Variants in SWT1 observed in about 807,000 individuals in gnomAD.
SWT1 encodes SWT1 RNA endoribonuclease homolog, also known as transcriptional protein SWT1.
In SWT1, 33 loss-of-function variants were observed where a neutral mutation model predicts 107.3. That is an observed-to-expected ratio of 0.31 (90% CI 0.23 to 0.41). The LOEUF (loss-of-function observed/expected upper bound fraction) is 0.41, where lower values mean the gene tolerates loss of function less well. SWT1 is among the 10% of genes least tolerant of loss of function. SWT1 has a pLI of 1.00. For synonymous variants in SWT1, 345 were observed against 348.3 expected (o/e 0.99, Z 0.11); for missense variants, 898 against 1,028.9 (o/e 0.87, Z 1.74).
At position 185,173,530 on chromosome 1, in the gene SWT1, C is replaced by CA. The variant is rs869052260; in HGVS notation, c.225-821dup. Among the ~76,000 whole-genome samples the CA allele has an allele frequency of 9.9e-3, 956 of 96,518 alleles. 9 individuals are homozygous for CA. The highest frequency in any genetic ancestry group is 0.035 in the East Asian group (120 of 3,424). 63.3% of individuals were successfully genotyped at this position (96,518 alleles called of 152,430 possible). ...CAACATGGTGAAACCCTGTCTCTAC[C>CA]AAAAAAAAAAAAAAAAAAAAATACA... On this transcript the variant is annotated intron_variant, in intron 4 of 18. Coordinates refer to ENST00000367500, the MANE Select transcript of SWT1 (RefSeq NM_017673.7).
rs762815700 is a variant in SWT1 at position 185,180,405 on chromosome 1, ATGT to A, written c.986_988del (p.Cys329del). The A allele has an allele frequency of 6.2e-7, 1 of 1,613,322 alleles. No homozygotes were observed. Among genetic ancestry groups the A allele is most frequent in the Non-Finnish European group, 8.5e-7 (1 of 1,179,280 alleles). On this transcript the variant is annotated inframe_deletion, in exon 6 of 19. Transcript: ENST00000367500. ...TTTCATTTCAGAGTTTTGAAGCACCATGTTGTTCCGTGTCATCTGAAAGTATCC... is the reference window on the plus strand; with the variant it reads ...TTTCATTTCAGAGTTTTGAAGCACCATGTTCCGTGTCATCTGAAAGTATCC...
chr1:185,165,340 G>T (rs1047904403), intron 2 of SWT1, among the ~76,000 whole-genome samples: 4 of 152,138 alleles, frequency 2.6e-5, no homozygotes, highest in African/African-American at 9.7e-5. Context: ...AGCACATACT[G>T]TTGGAAAAAT....
At position 185,258,921 on chromosome 1, in the gene SWT1, T is replaced by C. The variant is rs1452358401; in HGVS notation, c.2442-12402T>C. On this transcript the variant is annotated intron_variant, in intron 16 of 18. Transcript: ENST00000367500. The stretch of plus-strand genomic sequence containing the variant: ...TCTACCATTCTCCTTAGTTCTCTTA[T>C]ATGGAATTCCTATTCCTGGCTCTCG... Among the ~76,000 whole-genome samples the C allele has an allele frequency of 4.6e-5, 7 of 152,274 alleles. No homozygotes were observed. In the East Asian group the frequency reaches 1.2e-3, roughly 25 times the overall value.
intron 15 of SWT1, among the ~76,000 whole-genome samples, chr1:185,229,787 T>A (rs913795901): frequency 9.2e-5 from 14 of 151,984 alleles, no homozygotes; most frequent in African/African-American, 3.1e-4. Flanking sequence ...ATTAAGAAAA[T>A]TTTTTTTAAA....
chr1:185,174,809 T>C lies in SWT1; in HGVS notation c.662T>C (p.Ile221Thr). Residue 221 changes from isoleucine (I) to threonine (T), a missense_variant, in exon 5 of 19, where the codon ATT becomes ACT. Around this residue, in one of 6 missense-constraint regions of SWT1, gnomAD observed 382 missense variants for 362.4 expected, o/e 1.05. Coordinates refer to ENST00000367500, the MANE Select transcript of SWT1 (RefSeq NM_017673.7). ...CAGGATTATAACTCCAACAAGATAA[T>C]TAAGGAACCCTTGGGATCTAGAAGA... ...FSQDYNSNKI[I>T]KEPLGSRRQK... The C allele has an allele frequency of 6.2e-7, 1 of 1,612,824 alleles. No individual in the cohort carries two copies. Among genetic ancestry groups the C allele is most frequent in the East Asian group, 2.2e-5 (1 of 44,856 alleles).
At chr1:185,271,230 TTG>T in intron 16 of SWT1, 91 bp from the exon 17 acceptor site, 1 of 694,854 alleles carries the variant, frequency 1.4e-6, no homozygotes, top group Non-Finnish European at 2.6e-6. Context: ...AAGTTACCTC[TTG>T]TGGTATGGGT....
rs150451939 is a variant in SWT1, at chr1:185,190,729, A to G, written c.1523+87A>G. The G allele has an allele frequency of 1.0e-4, 77 of 752,984 alleles. No homozygotes were observed. In the African/African-American group the frequency reaches 1.3e-3, roughly 13 times the overall value. The allele number at this position is 752,984 out of a possible 1,614,324, so 46.6% of individuals were successfully genotyped here. A position where few individuals can be genotyped will look rare whatever the true frequency, so the allele number is the denominator to read the frequency against. ...TCATATGGTATCCAGCATACCAAGG[A>G]TCAAAAACATACATAATTTTCCAAA... On this transcript the variant is annotated intron_variant, in intron 10 of 18. Transcript: ENST00000367500.
At chr1:185,286,617 T>C (rs1664965679) in intron 18 of SWT1, among the ~76,000 whole-genome samples, 1 of 152,166 alleles carries the variant, frequency 6.6e-6, no homozygotes, top group African/African-American at 2.4e-5. Flanking sequence ...CCTTTTCTGC[T>C]TGTTCATTGC....
chr1:185,192,107 T>C (rs894395763), intron 10 of SWT1, among the ~76,000 whole-genome samples: 4 of 152,194 alleles, frequency 2.6e-5, no homozygotes, highest in Non-Finnish European at 5.9e-5. Context: ...TCAGAAAAAC[T>C]TTTATAACAC....
chr1:185,241,964 G>A (rs1661280011), intron 16 of SWT1, among the ~76,000 whole-genome samples: 1 of 152,084 alleles, frequency 6.6e-6, no homozygotes, highest in Admixed American at 6.6e-5. Context: ...TCACCCAAAT[G>A]TCTCTTCGGG....
At chr1:185,213,589 T>C (rs926040928) in intron 13 of SWT1, among the ~76,000 whole-genome samples, 1 of 152,178 alleles carries the variant, frequency 6.6e-6, no homozygotes, top group African/African-American at 2.4e-5. Context: ...CATAGTGCCA[T>C]TGAACAGCCA....
chr1:185,270,195 A>G (rs965596314), intron 16 of SWT1, among the ~76,000 whole-genome samples: 8 of 152,160 alleles, frequency 5.3e-5, no homozygotes, highest in Non-Finnish European at 1.2e-4. Context: ...TAACTCACCA[A>G]GGTCACACAG....
At chr1:185,195,953 C>T (rs1027163581) in intron 10 of SWT1, among the ~76,000 whole-genome samples, 9 of 151,834 alleles carry the variant, frequency 5.9e-5, no homozygotes, top group African/African-American at 2.2e-4. Context: ...GCTTGTTAAC[C>T]CTGATGATAG....
At chr1:185,178,100 C>T (rs1467186818) in intron 5 of SWT1, among the ~76,000 whole-genome samples, 1 of 152,104 alleles carries the variant, frequency 6.6e-6, no homozygotes, top group Admixed American at 6.6e-5. Flanking sequence ...TATAAATCTC[C>T]GGGTGAGTTA....
chr1:185,158,388 A>G lies in SWT1; in HGVS notation c.-10+1074A>G, dbSNP rs202166229. 5.9e-5 allele frequency among the ~76,000 whole-genome samples: 9 copies of G among 151,862 alleles called. No homozygotes were observed. The East Asian group carries it at 1.5e-3, about 26-fold the overall frequency. On this transcript the variant is annotated intron_variant, in intron 1 of 18. Coordinates refer to ENST00000367500, the MANE Select transcript of SWT1 (RefSeq NM_017673.7). ...TCGTCCCGTACAGCTTTTATCTAGT[A>G]TTCCTGAATGTGTAGTTGACTCATG...
chr1:185,275,876 C>T (rs995704290), intron 17 of SWT1, among the ~76,000 whole-genome samples: 5 of 151,908 alleles, frequency 3.3e-5, no homozygotes, highest in African/African-American at 1.2e-4. Context: ...TCATTCTTCC[C>T]CACCAAAAAA....
intron 18 of SWT1, among the ~76,000 whole-genome samples, chr1:185,282,964 A>G (rs1356671839): frequency 6.6e-6 from 1 of 152,056 alleles, no homozygotes; most frequent in Non-Finnish European, 1.5e-5. Context: ...GGCTCATAGT[A>G]CTCAGGGAAA....
chr1:185,230,315 G>GACCT (rs1348414200), intron 15 of SWT1, among the ~76,000 whole-genome samples: 1 of 152,200 alleles, frequency 6.6e-6, no homozygotes, highest in Non-Finnish European at 1.5e-5. Context: ...TTTGCTCACA[G>GACCT]ACCTGGAGGC....
intron 2 of SWT1, among the ~76,000 whole-genome samples, chr1:185,163,692 C>T (rs1281353311): frequency 6.6e-6 from 1 of 152,200 alleles, no homozygotes; most frequent in African/African-American, 2.4e-5. Context: ...CCGCACCCAG[C>T]CCCCATTAAA....
Sources: allele counts gnomAD v4.1 joint callset (sites outside exome capture counted in the v4.1 genomes callset), GRCh38; gene constraint gnomAD v4.1.1; regional missense constraint gnomAD v4.1.1; transcripts MANE v1.5; gene names NCBI Gene and HGNC (gene_info 2026-07-23, HGNC 2026-07-21).